Variants in TRPM1 observed in about 807,000 individuals in gnomAD.
TRPM1 encodes transient receptor potential cation channel subfamily M member 1.
TRPM1 carries 113 observed loss-of-function variants against 149.4 expected under a neutral mutation model. The ratio of observed to expected loss-of-function variants is 0.76; its 90% CI spans 0.65 to 0.88. The LOEUF (loss-of-function observed/expected upper bound fraction) is 0.88. Among genes scored for constraint, TRPM1 ranks in the 40% least tolerant of loss-of-function variants. The pLI, the probability that TRPM1 is intolerant of heterozygous loss-of-function variation, is 0.00. For missense variants in TRPM1, 1,976 were observed against 2,038.7 expected, an observed-to-expected ratio of 0.97 and a Z score of 0.59; for synonymous variants, 741 against 759.5, an observed-to-expected ratio of 0.98 and a Z score of 0.40.
chr15:31,040,313 G>T lies in TRPM1; in HGVS notation c.2121C>A (p.Asp707Glu). 6.2e-7 allele frequency: 1 copy of T among 1,614,182 alleles called. No homozygotes were observed. Among genetic ancestry groups the T allele is most frequent in the Non-Finnish European group, 8.5e-7 (1 of 1,180,026 alleles). ...DFGQLALELL[D>E]QSYKHDEQIA... The stretch of plus-strand genomic sequence containing the variant: ...TCTGCTCGTCATGCTTATAGGACTG[G>T]TCTAATAACTCCAAAGCAAGCTGGC... Residue 707 changes from aspartate to glutamate, a missense_variant, in exon 18 of 28, where the codon GAC (aspartate) becomes GAA (glutamate). Asp to Glu is a conservative substitution (Grantham distance 45). This residue lies in a region of TRPM1 where 1,332 missense variants were observed against 1,347.1 expected (regional missense o/e 0.99). Transcript: ENST00000256552. This position sits in a 1 kb window ranked among gnomAD's most constrained non-coding sequence, Gnocchi z 4.2.
chr15:31,105,452 TGTGTGTGTGTGTGTGTGTGTGCGC>T (rs1395554669), upstream of TRPM1, among the ~76,000 whole-genome samples: 2 of 49,194 alleles, frequency 4.1e-5, no homozygotes, highest in East Asian at 2.7e-3. Flanking sequence ...TGTGTGTGTG[TGTGTGTGTGTGTGTGTGTGTGCGC>T]GCGCGCGCGC....
chr15:31,141,075 G>A (rs184200275), intron 1 of TRPM1, among the ~76,000 whole-genome samples: 9 of 151,138 alleles, frequency 6.0e-5, no homozygotes, highest in South Asian at 2.1e-4. Flanking sequence ...CAAGCGATCC[G>A]CCCCCCTCAG....
chr15:31,100,222 G>T (rs111483758), intron 1 of TRPM1, among the ~76,000 whole-genome samples: 1 of 151,478 alleles, frequency 6.6e-6, no homozygotes, highest in South Asian at 2.1e-4. Flanking sequence ...GACTACAGGC[G>T]CGCACTACCA....
chr15:31,063,022 G>A (rs1326375165), intron 8 of TRPM1, 96 bp downstream of exon 8: 10 of 1,507,254 alleles, frequency 6.6e-6, no homozygotes, highest in Non-Finnish European at 7.3e-6. Flanking sequence ...ATTTAAACAC[G>A]TTTGGAATGT....
chr15:31,021,595 C>G (rs1221326550), intron 27 of TRPM1, among the ~76,000 whole-genome samples: 1 of 151,744 alleles, frequency 6.6e-6, no homozygotes, highest in Non-Finnish European at 1.5e-5. Flanking sequence ...ACTCAGGAAG[C>G]TGAGGCAGTA....
At position 31,065,656 on chromosome 15, in the gene TRPM1, A is replaced by T. The variant is rs1344153505; in HGVS notation, c.790+420T>A. On this transcript the variant is annotated intron_variant, in intron 7 of 27. Transcript: ENST00000256552. ...TGTCCCCACCTGGCCATCTTAGTCT[A>T]CATGAAAGGCCCAGCATTACAGAGA... Among the ~76,000 whole-genome samples, 4 of 152,228 alleles carry T rather than the reference A, an allele frequency of 2.6e-5. No homozygotes were observed. In the East Asian group the frequency reaches 7.7e-4, roughly 29 times the overall value.
At chr15:31,026,805 G>A (rs1262037710) in intron 26 of TRPM1, 110 bp downstream of exon 26, 2 of 1,127,182 alleles carry the variant, frequency 1.8e-6, no homozygotes, top group Non-Finnish European at 2.7e-6. Context: ...TGGACTGAGT[G>A]TGGTGCTTTT....
At chr15:31,090,364 C>T (rs376371822) in intron 1 of TRPM1, among the ~76,000 whole-genome samples, 3 of 152,120 alleles carry the variant, frequency 2.0e-5, no homozygotes, top group Non-Finnish European at 2.9e-5. Context: ...TGGGGCTGGG[C>T]GTGGTGGCTC....
intron 1 of TRPM1, among the ~76,000 whole-genome samples, chr15:31,147,583 G>A (rs2036238174): frequency 6.6e-6 from 1 of 152,196 alleles, no homozygotes; most frequent in African/African-American, 2.4e-5. Context: ...ATTCCCAGTG[G>A]CTCTTGTTCA....
intron 1 of TRPM1, among the ~76,000 whole-genome samples, chr15:31,128,495 G>T (rs2035978870): frequency 6.6e-6 from 1 of 152,180 alleles, no homozygotes; most frequent in South Asian, 2.1e-4. Context: ...CCAGGAGGGT[G>T]CCCAACACCA....
At chr15:31,116,413 G>A (rs1300731308) in intron 1 of TRPM1, among the ~76,000 whole-genome samples, 6 of 152,084 alleles carry the variant, frequency 3.9e-5, no homozygotes, top group African/African-American at 7.2e-5. Context: ...TTTGAGAGCC[G>A]TCTGGCCAAC....
In TRPM1 at chr15:31,041,961, T is replaced by G; in HGVS notation, c.2077A>C (p.Asn693His). The G allele has an allele frequency of 6.2e-7, 1 of 1,614,116 alleles. No homozygotes were observed. Among genetic ancestry groups the G allele is most frequent in the Non-Finnish European group, 8.5e-7 (1 of 1,180,008 alleles). The change falls in exon 17 of 28, where the codon AAC becomes CAC. Residue 693 changes from asparagine to histidine, a missense_variant. By Grantham distance (68) the Asn-to-His change is moderately conservative. Transcript: ENST00000256552. ...LVDDISQDLD[N>H]NSKDFGQLAL... is the part of the protein sequence containing the mutation. ...CCGCTAGACACTAACTTGGAATTGT[T>G]ATCCAAGTCCTGGGAGATGTCATCC...
intron 20 of TRPM1, chr15:31,035,907 A>G (rs2033347166): frequency 1.7e-6 from 1 of 585,928 alleles, no homozygotes; most frequent in African/African-American, 1.9e-5. Flanking sequence ...TTCATTTTCT[A>G]CATGGAGACA....
rs1355758335 is a variant in TRPM1 at position 31,027,114 on chromosome 15, A to G, written c.3297T>C (p.Asn1099=). The change falls in exon 26 of 28, where the codon AAT becomes AAC. Residue 1099 remains asparagine (N), a synonymous_variant. Transcript: ENST00000256552. ...ATATTGATTTTACTTCAAAGAAGGT[A>G]TTGCTTTAAAAAGAAGACATTTTTA... ...LVNLLIAVFN[N]TFFEVKSISN... 6 of 1,613,904 alleles carry G rather than the reference A, an allele frequency of 3.7e-6. No individual in the cohort carries two copies. The highest frequency in any genetic ancestry group is 5.1e-6 in the Non-Finnish European group (6 of 1,179,902).
chr15:31,141,236 A>C (rs1459613588), intron 1 of TRPM1, among the ~76,000 whole-genome samples: 1 of 152,132 alleles, frequency 6.6e-6, no homozygotes, highest in Non-Finnish European at 1.5e-5. Context: ...ATAAATTATA[A>C]CATGCATGTT....
In TRPM1 at chr15:31,112,873, G is replaced by A. The variant is rs542793221; in HGVS notation, c.55-35889C>T. 1.9e-4 allele frequency among the ~76,000 whole-genome samples: 29 copies of A among 152,272 alleles called. 1 individual carries two copies. In the South Asian group the frequency reaches 5.2e-3, roughly 27 times the overall value. ...ACCCCCTTTTCTTTCTTGTAACCCAGCATTCCTCAAACTCATTTGCCCATA... is the reference window on the plus strand; with the variant it reads ...ACCCCCTTTTCTTTCTTGTAACCCAACATTCCTCAAACTCATTTGCCCATA... On this transcript the variant is annotated intron_variant, in intron 1 of 26. Coordinates refer to the TRPM1 transcript ENST00000542188.
chr15:31,091,198 G>A (rs895131647), intron 1 of TRPM1, among the ~76,000 whole-genome samples: 12 of 152,218 alleles, frequency 7.9e-5, no homozygotes, highest in Middle Eastern at 3.2e-3. Context: ...AGCTGAGAGT[G>A]AAACCCGGGC....
intron 16 of TRPM1, among the ~76,000 whole-genome samples, chr15:31,043,122 A>G (rs1398745353): frequency 6.6e-6 from 1 of 152,224 alleles, no homozygotes; most frequent in Non-Finnish European, 1.5e-5. Context: ...GGTCTGGAGC[A>G]TGGGGAGTTA....
At chr15:31,033,127 C>G in intron 21 of TRPM1, 187 bp from the exon 22 acceptor site, 1 of 748,370 alleles carries the variant, frequency 1.3e-6, no homozygotes, top group Non-Finnish European at 2.2e-6. Context: ...CGGAATCCTC[C>G]CTATTCTTAG....
Sources: gnomAD v4.1 joint callset for allele counts (sites outside exome capture counted in the v4.1 genomes callset) on GRCh38, gnomAD v4.1.1 for gene constraint, gnomAD v4.1.1 regional missense constraint, Gnocchi (gnomAD v3.1) non-coding constraint, MANE v1.5 for transcripts, NCBI Gene and HGNC (gene_info 2026-07-23, HGNC 2026-07-21) for gene names.